Variants in DYNC1H1 observed in about 807,000 individuals in gnomAD.
The protein encoded by DYNC1H1 is dynein cytoplasmic 1 heavy chain 1, also known as cytoplasmic dynein 1 heavy chain 1.
In DYNC1H1, 51 loss-of-function variants were observed where a neutral mutation model predicts 527.1. The observed-to-expected ratio is 0.10, with a 90% CI of 0.08 to 0.12. The LOEUF (loss-of-function observed/expected upper bound fraction) is 0.12. Among genes scored for constraint, DYNC1H1 ranks in the 10% least tolerant of loss-of-function variants. DYNC1H1 has a pLI of 1.00. For missense variants in DYNC1H1, 2,771 were observed against 5,971.8 expected (o/e 0.46, Z 17.66); for synonymous variants, 2,189 against 2,278.8 (o/e 0.96, Z 1.12).
intron 16 of DYNC1H1, among the ~76,000 whole-genome samples, chr14:101,998,879 C>CTTTTTTTTTTGTTTTTTTTTTTTT (rs1470140199): frequency 2.6e-5 from 3 of 115,212 alleles, no homozygotes; most frequent in African/African-American, 1.1e-4. Flanking sequence ...AAAACTTTTT[C>CTTTTTTTTTTGTTTTTTTTTTTTT]TTTTTTTTTT....
chr14:101,992,778 G>A (rs1243518582), intron 11 of DYNC1H1, among the ~76,000 whole-genome samples: 1 of 152,092 alleles, frequency 6.6e-6, no homozygotes, highest in Non-Finnish European at 1.5e-5. Context: ...AAGACTTGAT[G>A]GAGGCTCCCT....
rs373303152 is a variant in DYNC1H1, at chr14:102,034,467, G to A, written c.10754+15G>A. 8.7e-6 allele frequency: 14 copies of A among 1,612,318 alleles called. No homozygotes were observed. Reference sequence around the variant, plus strand: ...CGATTCAATAGGTATGAGCTCGGGTGCCAAGGAGAGGCATGGGAGGAATGT... The same window carrying A: ...CGATTCAATAGGTATGAGCTCGGGTACCAAGGAGAGGCATGGGAGGAATGT... On this transcript the variant is annotated intron_variant, in intron 56 of 77. Coordinates refer to ENST00000360184, the MANE Select transcript of DYNC1H1 (RefSeq NM_001376.5).
chr14:101,965,647 A>G lies in DYNC1H1; in HGVS notation c.256+700A>G, dbSNP rs1001382069. ...TTTACACCTGAGGAAACTGAGGCTC[A>G]GGTTAAGTGATTTCACCCAAGGTCA... is the stretch of plus-strand genomic sequence containing the variant. On this transcript the variant is annotated intron_variant, in intron 1 of 77. Coordinates refer to ENST00000360184, the MANE Select transcript of DYNC1H1 (RefSeq NM_001376.5). This position sits in a 1 kb window ranked among gnomAD's most constrained non-coding sequence, Gnocchi z 4.1. 2.0e-5 allele frequency among the ~76,000 whole-genome samples: 3 copies of G among 152,106 alleles called. No homozygotes were observed. Among genetic ancestry groups the G allele is most frequent in the South Asian group, 2.1e-4 (1 of 4,832 alleles).
rs2152597703 is a variant in DYNC1H1, at chr14:102,044,238, T to C, written c.12685-36T>C. Reference sequence around the variant, plus strand: ...AGGAAGCCCCGGGCCTGCCCGCCTCTGACCACACACACGAACCCTGCTTTT... The same window carrying C: ...AGGAAGCCCCGGGCCTGCCCGCCTCCGACCACACACACGAACCCTGCTTTT... On this transcript the variant is annotated intron_variant, in intron 70 of 77. Coordinates refer to ENST00000360184, the MANE Select transcript of DYNC1H1 (RefSeq NM_001376.5). This position sits in a 1 kb window ranked among gnomAD's most constrained non-coding sequence, Gnocchi z 7.1. 3 of 1,612,456 alleles carry C rather than the reference T, an allele frequency of 1.9e-6. No homozygotes were observed. Among genetic ancestry groups the C allele is most frequent in the African/African-American group, 2.7e-5 (2 of 75,028 alleles).
chr14:102,042,688 A>T lies in DYNC1H1; in HGVS notation c.12453A>T (p.Pro4151=), dbSNP rs200375220. ...GCATCTTTGTGTTCGAGCCACCGCC[A>T]GGGGTGAAGGCCAACATGCTGAGGA... The part of the protein sequence containing the change: ...AGRIFVFEPP[P]GVKANMLRTF... The change falls in exon 69 of 78, where the codon CCA becomes CCT. Residue 4151 remains proline (P), a synonymous_variant. Transcript: ENST00000360184. This position sits in a 1 kb window ranked among gnomAD's most constrained non-coding sequence, Gnocchi z 5.7. 6.1e-5 allele frequency: 99 copies of T among 1,614,202 alleles called. No individual in the cohort carries two copies. Among genetic ancestry groups the T allele is most frequent in the Admixed American group, 3.0e-4 (18 of 60,010 alleles).
Position 101,985,380 on chromosome 14 carries a change from A to G in DYNC1H1, c.1462-307A>G, listed in dbSNP as rs182897230. Among the ~76,000 whole-genome samples the G allele has an allele frequency of 3.0e-4, 46 of 151,888 alleles. No individual in the cohort carries two copies. Among genetic ancestry groups the G allele is most frequent in the Non-Finnish European group, 5.2e-4 (35 of 67,944 alleles). On this transcript the variant is annotated intron_variant, in intron 7 of 77. Coordinates refer to ENST00000360184, the MANE Select transcript of DYNC1H1 (RefSeq NM_001376.5). This position sits in a 1 kb window ranked among gnomAD's most constrained non-coding sequence, Gnocchi z 5.9. The stretch of plus-strand genomic sequence containing the variant: ...TGCTGTGTCGCCCAGGCTGGAGTGC[A>G]GTGGCGTGATCTTGGCTCACTGCAA...
At chr14:101,998,879 CTT>C (rs888317854) in intron 16 of DYNC1H1, among the ~76,000 whole-genome samples, 12 of 115,206 alleles carry the variant, frequency 1.0e-4, no homozygotes, top group Admixed American at 1.9e-4. Flanking sequence ...AAAACTTTTT[CTT>C]TTTTTTTTTT....
rs1595602196 is a variant in DYNC1H1 at position 101,988,652 on chromosome 14, T to G, written c.2719-51T>G. ...ACCACTTTCTGATTGACTTGCTTTG[T>G]GAGCTAACTTTTAGAAGAAACACTG... On this transcript the variant is annotated intron_variant, in intron 9 of 77. Coordinates refer to ENST00000360184, the MANE Select transcript of DYNC1H1 (RefSeq NM_001376.5). The G allele has an allele frequency of 1.2e-5, 20 of 1,612,624 alleles. No homozygotes were observed. In the East Asian group the frequency reaches 3.8e-4, roughly 31 times the overall value.
Position 101,985,937 on chromosome 14 carries a change from A to T in DYNC1H1, c.1712A>T (p.Gln571Leu). 1.2e-6 allele frequency: 2 copies of T among 1,614,238 alleles called. No homozygotes were observed. The highest frequency in any genetic ancestry group is 1.7e-6 in the Non-Finnish European group (2 of 1,180,038). ...CGGATCACCGCTCGCCTTCGGGATC[A>T]GCTTGGCACAGCCAAGAATGCCAAC... ...ETRITARLRD[Q>L]LGTAKNANEM... Residue 571 changes from glutamine to leucine, a missense_variant, in exon 8 of 78, where the codon CAG (glutamine) becomes CTG (leucine). Physicochemically the swap from Gln to Leu is moderately radical, Grantham distance 113 (BLOSUM62 -2). Coordinates refer to ENST00000360184, the MANE Select transcript of DYNC1H1 (RefSeq NM_001376.5). The surrounding 1 kb of genome is among the most constrained non-coding windows in gnomAD (Gnocchi z 5.9).
chr14:102,015,480 A>G lies in DYNC1H1; in HGVS notation c.7242+148A>G, dbSNP rs1024481667. On this transcript the variant is annotated intron_variant, in intron 35 of 77. Coordinates refer to ENST00000360184, the MANE Select transcript of DYNC1H1 (RefSeq NM_001376.5). The surrounding 1 kb of genome is among the most constrained non-coding windows in gnomAD (Gnocchi z 6.9). ...CTCTCAAAGTGCTGGGATTACAGGCATGAGTCACTGTACCCAGCCAACTTT... is the reference window on the plus strand; with the variant it reads ...CTCTCAAAGTGCTGGGATTACAGGCGTGAGTCACTGTACCCAGCCAACTTT... The G allele has an allele frequency of 1.0e-6, 1 of 964,752 alleles. No homozygotes were observed. Among genetic ancestry groups the G allele is most frequent in the East Asian group, 2.6e-5 (1 of 37,994 alleles). The allele number at this position is 964,752 out of a possible 1,614,324, so 59.8% of individuals were successfully genotyped here. A position where few individuals can be genotyped will look rare whatever the true frequency, so the allele number is the denominator to read the frequency against.
chr14:101,982,957 T>G, intron 5 of DYNC1H1, 62 bp from the exon 6 acceptor site: 1 of 1,585,836 alleles, frequency 6.3e-7, no homozygotes, highest in Non-Finnish European at 8.6e-7. Flanking sequence ...AATGGCATAT[T>G]TTAGTTTACT....
Position 102,033,888 on chromosome 14 carries a change from C to A in DYNC1H1, c.10414-88C>A. The A allele has an allele frequency of 6.8e-7, 1 of 1,464,970 alleles. No individual in the cohort carries two copies. The highest frequency in any genetic ancestry group is 9.4e-7 in the Non-Finnish European group (1 of 1,059,412). 90.7% of individuals were successfully genotyped at this position (1,464,970 alleles called of 1,614,324 possible). A position where few individuals can be genotyped will look rare whatever the true frequency, so the allele number is the denominator to read the frequency against. On this transcript the variant is annotated intron_variant, in intron 54 of 77. Transcript: ENST00000360184. This position sits in a 1 kb window ranked among gnomAD's most constrained non-coding sequence, Gnocchi z 5.6. ...CGTTTCTAACCCACCCAAAACCCTG[C>A]ACATAATGTGGATGAACCGATTTGC...
rs2048147143 is a variant in DYNC1H1 at position 102,002,816 on chromosome 14, A to C, written c.4734A>C (p.Leu1578=). 8 of 1,614,240 alleles carry C rather than the reference A, an allele frequency of 5.0e-6. No homozygotes were observed. The highest frequency in any genetic ancestry group is 5.9e-6 in the Non-Finnish European group (7 of 1,180,038). ...FQSISTEFLA[L]MKKVSKSPLV... is the part of the protein sequence containing the mutation. ...GCATCAGCACTGAGTTTTTGGCTCT[A>C]ATGAAAAAAGTGTCCAAGTCTCCCC... Residue 1578 remains leucine (L), a synonymous_variant, in exon 23 of 78, where the codon CTA becomes CTC. Coordinates refer to ENST00000360184, the MANE Select transcript of DYNC1H1 (RefSeq NM_001376.5). The surrounding 1 kb of genome is among the most constrained non-coding windows in gnomAD (Gnocchi z 4.4).
rs777884372 is a variant in DYNC1H1, at chr14:102,007,051, C to T, written c.5760C>T (p.Gly1920=). The part of the protein sequence containing the change: ...TGKTESVKAL[G]HQLGRFVLVF... ...AAACAGAGTCTGTCAAAGCTCTTGG[C>T]CATCAGCTTGGACGGTTTGTTTTAG... The change falls in exon 28 of 78, where the codon GGC becomes GGT. Residue 1920 remains glycine, a synonymous_variant. Transcript: ENST00000360184. 1 of 1,614,224 alleles carries T rather than the reference C, an allele frequency of 6.2e-7. No homozygotes were observed. The highest frequency in any genetic ancestry group is 1.1e-5 in the South Asian group (1 of 91,086).
In DYNC1H1 at chr14:102,043,869, C is replaced by T. The variant is rs377246124; in HGVS notation, c.12514-6C>T. 2 of 1,614,080 alleles carry T rather than the reference C, an allele frequency of 1.2e-6. No homozygotes were observed. Among genetic ancestry groups the T allele is most frequent in the African/African-American group, 1.3e-5 (1 of 74,940 alleles). On this transcript the variant is annotated splice_region_variant and splice_polypyrimidine_tract_variant and intron_variant, in intron 69 of 77. Coordinates refer to ENST00000360184, the MANE Select transcript of DYNC1H1 (RefSeq NM_001376.5). ...TGACTCTGTGCTTGGTCACTTTCCT[C>T]ACCAGTCTCCCAACGAGCGTGCCCG...
At position 101,987,455 on chromosome 14, in the gene DYNC1H1, G is replaced by GGAT; in HGVS notation, c.2545_2547dup (p.Asp849dup). 6.2e-7 allele frequency: 1 copy of GGAT among 1,613,742 alleles called. No individual in the cohort carries two copies. Among genetic ancestry groups the GGAT allele is most frequent in the Non-Finnish European group, 8.5e-7 (1 of 1,179,698 alleles). ...ATATTAAATATTTCTTCCTTCAGGTGGATGATCTGCTGATCATTGAAGAAA... is the reference window on the plus strand; with the variant it reads ...ATATTAAATATTTCTTCCTTCAGGTGGATGATGATCTGCTGATCATTGAAGAAA... On this transcript the variant is annotated inframe_insertion, in exon 9 of 78. Coordinates refer to ENST00000360184, the MANE Select transcript of DYNC1H1 (RefSeq NM_001376.5).
Position 102,027,526 on chromosome 14 carries a change from C to A in DYNC1H1, c.9030C>A (p.Thr3010=). Residue 3010 remains threonine (T), a synonymous_variant, in exon 46 of 78, where the codon ACC becomes ACA. Coordinates refer to ENST00000360184, the MANE Select transcript of DYNC1H1 (RefSeq NM_001376.5). This position sits in a 1 kb window ranked among gnomAD's most constrained non-coding sequence, Gnocchi z 7.7. ...LDSGFLERMN[T]LLANGEVPGL... is the part of the protein sequence containing the mutation. ...CTGGATTCCTGGAGCGAATGAATAC[C>A]CTTCTGGCCAATGGAGAGGTAATTA... 6.2e-7 allele frequency: 1 copy of A among 1,614,068 alleles called. No individual in the cohort carries two copies. The highest frequency in any genetic ancestry group is 8.5e-7 in the Non-Finnish European group (1 of 1,180,032).
In DYNC1H1 at chr14:102,044,794, G is replaced by T. The variant is rs1288412606; in HGVS notation, c.13006+96G>T. On this transcript the variant is annotated intron_variant, in intron 72 of 77. Transcript: ENST00000360184. The surrounding 1 kb of genome is among the most constrained non-coding windows in gnomAD (Gnocchi z 7.1). ...GGGTCCCCACACGCAGGGTGAGTGT[G>T]CACTGCTGTCCCAGGGCCCTCCCTG... is the stretch of plus-strand genomic sequence containing the variant. 2.4e-5 allele frequency: 34 copies of T among 1,411,578 alleles called. No homozygotes were observed. The highest frequency in any genetic ancestry group is 3.4e-5 in the Non-Finnish European group (34 of 1,009,974). The allele number at this position is 1,411,578 out of a possible 1,614,324, so 87.4% of individuals were successfully genotyped here.
Position 102,001,117 on chromosome 14 carries a change from C to T in DYNC1H1, c.4186-28C>T. The T allele has an allele frequency of 1.9e-6, 3 of 1,614,120 alleles. No homozygotes were observed. Among genetic ancestry groups the T allele is most frequent in the Non-Finnish European group, 2.5e-6 (3 of 1,180,000 alleles). On this transcript the variant is annotated intron_variant, in intron 19 of 77. Coordinates refer to ENST00000360184, the MANE Select transcript of DYNC1H1 (RefSeq NM_001376.5). This position sits in a 1 kb window ranked among gnomAD's most constrained non-coding sequence, Gnocchi z 5.0. ...AGTGTCCATTAGAAACGCACCTGCA[C>T]AGATCACTTTGTTTACTTTCTCCAC...
Sources: gnomAD v4.1 joint callset for allele counts (sites outside exome capture counted in the v4.1 genomes callset) on GRCh38, gnomAD v4.1.1 for gene constraint, Gnocchi (gnomAD v3.1) non-coding constraint, MANE v1.5 for transcripts, NCBI Gene and HGNC (gene_info 2026-07-23, HGNC 2026-07-21) for gene names.